UNC5C: variants seen among roughly 807,000 people sequenced by gnomAD.
UNC5C encodes the protein unc-5 netrin receptor C, also known as netrin receptor UNC5C.
UNC5C carries 47 observed loss-of-function variants against 99.8 expected under a neutral mutation model. That is an observed-to-expected ratio of 0.47 (90% CI 0.37 to 0.60). The LOEUF (loss-of-function observed/expected upper bound fraction) is 0.60. Among genes scored for constraint, UNC5C ranks in the 20% least tolerant of loss-of-function variants. The probability of loss-of-function intolerance (pLI) is 0.00; values close to 1 mark genes in which losing one functional copy is unlikely to be tolerated. For synonymous variants in UNC5C, 487 were observed against 452.2 expected, an observed-to-expected ratio of 1.08 and a Z score of -0.98; for missense variants, 1,062 against 1,165.9, an observed-to-expected ratio of 0.91 and a Z score of 1.30.
intron 1 of UNC5C, among the ~76,000 whole-genome samples, chr4:95,452,734 A>G (rs952549440): frequency 7.2e-5 from 11 of 152,178 alleles, no homozygotes; most frequent in Admixed American, 2.6e-4. Context: ...GCCAACAGAG[A>G]ATGAAGGCAC....
intron 5 of UNC5C, among the ~76,000 whole-genome samples, chr4:95,245,590 G>A (rs991872685): frequency 1.3e-5 from 2 of 152,160 alleles, no homozygotes; most frequent in African/African-American, 4.8e-5. Flanking sequence ...TTAAGCATAT[G>A]TAAACTTTAC....
At chr4:95,536,053 C>T (rs1445538080) in intron 1 of UNC5C, among the ~76,000 whole-genome samples, 2 of 125,828 alleles carry the variant, frequency 1.6e-5, no homozygotes, top group Admixed American at 1.8e-4. Flanking sequence ...AGTCCATATA[C>T]ATACATACAT....
intron 1 of UNC5C, among the ~76,000 whole-genome samples, chr4:95,514,000 T>A (rs1411921499): frequency 1.3e-5 from 2 of 152,216 alleles, no homozygotes; most frequent in East Asian, 3.9e-4. Context: ...GGGCAGATGG[T>A]ATACTTCAGA....
intron 1 of UNC5C, among the ~76,000 whole-genome samples, chr4:95,489,731 G>A (rs1721428742): frequency 1.3e-5 from 2 of 151,708 alleles, no homozygotes; most frequent in South Asian, 4.1e-4. Context: ...GGAGTACACA[G>A]TGAGAAGCTG....
chr4:95,167,013 G>C lies in UNC5C; in HGVS notation c.*2221C>G, dbSNP rs1459271864. 6.6e-6 allele frequency: 1 copy of C among 152,086 alleles called. No individual in the cohort carries two copies. The highest frequency in any genetic ancestry group is 1.5e-5 in the Non-Finnish European group (1 of 68,034). 9.4% of individuals were successfully genotyped at this position (152,086 alleles called of 1,614,324 possible). ...ATATGTATGTATGTCCAAAACAGAAGATACGGAATAAAAAGCATGAAAGAA... is the reference window on the plus strand; with the variant it reads ...ATATGTATGTATGTCCAAAACAGAACATACGGAATAAAAAGCATGAAAGAA... On this transcript the variant is annotated 3_prime_UTR_variant, in exon 16 of 16. Coordinates refer to ENST00000453304, the MANE Select transcript of UNC5C (RefSeq NM_003728.4).
intron 6 of UNC5C, among the ~76,000 whole-genome samples, chr4:95,243,901 G>T (rs1360014033): frequency 6.6e-6 from 1 of 152,122 alleles, no homozygotes; most frequent in Non-Finnish European, 1.5e-5. Flanking sequence ...GTGGGAGTCA[G>T]CTCCTATAAA....
At chr4:95,448,232 G>GAGAGAGAGAGAGAGAGAGAC (rs1747173559) in intron 1 of UNC5C, among the ~76,000 whole-genome samples, 2 of 130,436 alleles carry the variant, frequency 1.5e-5, no homozygotes, top group African/African-American at 6.0e-5. Context: ...GTGTGTGAGA[G>GAGAGAGAGAGAGAGAGAGAC]AGAGAGAGAG....
At position 95,237,001 on chromosome 4, in the gene UNC5C, T is replaced by C. The variant is rs1384003491; in HGVS notation, c.1108+5428A>G. ...GATTGCTCAAGTCCCTTATGTAAAA[T>C]GGCATAGTATTTGCATGTAACCTAT... On this transcript the variant is annotated intron_variant, in intron 7 of 15. Transcript: ENST00000453304. Among the ~76,000 whole-genome samples the C allele has an allele frequency of 2.0e-5, 3 of 152,200 alleles. No homozygotes were observed. In the East Asian group the frequency reaches 5.8e-4, roughly 29 times the overall value.
At chr4:95,336,831 C>A (rs993362387) in intron 1 of UNC5C, among the ~76,000 whole-genome samples, 2 of 151,940 alleles carry the variant, frequency 1.3e-5, no homozygotes, top group African/African-American at 4.8e-5. Context: ...TTTCTTCTCA[C>A]TTTACCTCCT....
intron 1 of UNC5C, among the ~76,000 whole-genome samples, chr4:95,468,400 T>C (rs1747864670): frequency 6.6e-6 from 1 of 152,146 alleles, no homozygotes; most frequent in Non-Finnish European, 1.5e-5. Context: ...TCTGGCATGG[T>C]GGCTATTAGC....
intron 1 of UNC5C, among the ~76,000 whole-genome samples, chr4:95,342,192 T>A (rs1487626554): frequency 3.3e-5 from 5 of 151,766 alleles, no homozygotes; most frequent in Admixed American, 3.3e-4. Flanking sequence ...GCTAAGGGAG[T>A]GCTTGTGCCA....
At chr4:95,491,228 A>G (rs1267893904) in intron 1 of UNC5C, among the ~76,000 whole-genome samples, 1 of 151,676 alleles carries the variant, frequency 6.6e-6, no homozygotes, top group African/African-American at 2.4e-5. Flanking sequence ...AGAGGCTGAC[A>G]AAATAATTAC....
chr4:95,386,925 T>G (rs1304409524), intron 1 of UNC5C, among the ~76,000 whole-genome samples: 2 of 152,152 alleles, frequency 1.3e-5, no homozygotes, highest in African/African-American at 4.8e-5. Context: ...CTATACAAGA[T>G]GCCAACAAAA....
At chr4:95,313,007 T>C (rs1195956595) in intron 2 of UNC5C, among the ~76,000 whole-genome samples, 1 of 151,926 alleles carries the variant, frequency 6.6e-6, no homozygotes, top group East Asian at 1.9e-4. Flanking sequence ...TGACAAAAGG[T>C]ATAGTGAAAT....
Position 95,179,908 on chromosome 4 carries a change from A to G in UNC5C, c.2451+2989T>C, listed in dbSNP as rs1736540932. ...TCTCTGGGAGCTAATTTTTGTTTAT[A>G]TTTAGTTTTCATTTATTTATATAGG... On this transcript the variant is annotated intron_variant, in intron 14 of 15. Coordinates refer to ENST00000453304, the MANE Select transcript of UNC5C (RefSeq NM_003728.4). 2.0e-5 allele frequency among the ~76,000 whole-genome samples: 3 copies of G among 151,998 alleles called. No homozygotes were observed. The South Asian group carries it at 6.2e-4, about 31-fold the overall frequency.
Position 95,335,566 on chromosome 4 carries a change from A to C in UNC5C, c.190T>G (p.Phe64Val). 1 of 1,612,332 alleles carries C rather than the reference A, an allele frequency of 6.2e-7. No individual in the cohort carries two copies. Among genetic ancestry groups the C allele is most frequent in the Non-Finnish European group, 8.5e-7 (1 of 1,178,872 alleles). ...TAAGCTTCTTCAGGCTCAATAAGGA[A>C]ATGTGGCAGAGGCTCAGGTGGATCA... ...PSDPPEPLPHFLIEPEEAYIV... is the reference protein window; with the variant it reads ...PSDPPEPLPHVLIEPEEAYIV... Residue 64 changes from phenylalanine to valine, a missense_variant, in exon 2 of 16, where the codon TTC becomes GTC. This residue lies in a region of UNC5C where 249 missense variants were observed against 295.1 expected (regional missense o/e 0.84). Transcript: ENST00000453304.
chr4:95,372,048 C>A (rs1454094436), intron 1 of UNC5C, among the ~76,000 whole-genome samples: 1 of 152,128 alleles, frequency 6.6e-6, no homozygotes, highest in Non-Finnish European at 1.5e-5. Flanking sequence ...TTTCCTGAAA[C>A]ATGTAACAAT....
chr4:95,349,697 T>C, intron 1 of UNC5C, among the ~76,000 whole-genome samples: 1 of 151,730 alleles, frequency 6.6e-6, no homozygotes, highest in African/African-American at 2.4e-5. Context: ...ACTGACTCTA[T>C]AAAAAAAATC....
At chr4:95,306,322 C>T (rs1420663736) in intron 2 of UNC5C, among the ~76,000 whole-genome samples, 1 of 152,100 alleles carries the variant, frequency 6.6e-6, no homozygotes. Context: ...CCTGCCTCAG[C>T]CTCCGGAGTA....
Sources: allele counts gnomAD v4.1 joint callset (sites outside exome capture counted in the v4.1 genomes callset), GRCh38; gene constraint gnomAD v4.1.1; regional missense constraint gnomAD v4.1.1; transcripts MANE v1.5; gene names NCBI Gene and HGNC (gene_info 2026-07-23, HGNC 2026-07-21).